Variants in MAGOH observed in about 807,000 individuals in gnomAD.
MAGOH encodes the protein protein mago nashi homolog.
In MAGOH, 3 loss-of-function variants were observed where a neutral mutation model predicts 20.9. That is an observed-to-expected ratio of 0.14 (90% CI 0.07 to 0.37). The LOEUF (loss-of-function observed/expected upper bound fraction) is 0.37. Among genes scored for constraint, MAGOH ranks in the 10% least tolerant of loss-of-function variants. The pLI, the probability that MAGOH is intolerant of heterozygous loss-of-function variation, is 1.00. For synonymous variants in MAGOH, 51 were observed against 61.0 expected, an observed-to-expected ratio of 0.84 and a Z score of 0.76; for missense variants, 66 against 178.1, an observed-to-expected ratio of 0.37 and a Z score of 3.58.
intron 2 of MAGOH, among the ~76,000 whole-genome samples, chr1:53,234,408 C>CT (rs1307232384): frequency 7.0e-6 from 1 of 143,800 alleles, no homozygotes; most frequent in Non-Finnish European, 1.5e-5. Context: ...GAGCCTTGCT[C>CT]TGTCGCCCAG....
intron 2 of MAGOH, chr1:53,233,968 T>C (rs893979324): frequency 1.7e-5 from 4 of 231,690 alleles, no homozygotes; most frequent in Non-Finnish European, 3.4e-5. Context: ...CTGCCATGGT[T>C]TGAATGTTTT....
chr1:53,234,278 G>A (rs1486943660), intron 2 of MAGOH, among the ~76,000 whole-genome samples: 3 of 151,924 alleles, frequency 2.0e-5, no homozygotes, highest in African/African-American at 7.3e-5. Context: ...CTCCAAAATT[G>A]TGAGAAATAT....
chr1:53,235,464 G>A (rs1215564385), intron 2 of MAGOH, 113 bp downstream of exon 2: 1 of 866,276 alleles, frequency 1.2e-6, no homozygotes, highest in Non-Finnish European at 1.9e-6. Context: ...ACAGACATGT[G>A]TCTCTCTCCC....
chr1:53,229,406 T>C (rs1394174930), intron 3 of MAGOH, among the ~76,000 whole-genome samples: 1 of 152,078 alleles, frequency 6.6e-6, no homozygotes, highest in East Asian at 1.9e-4. Flanking sequence ...TTCACCGTGT[T>C]AGCCAGGATG....
At chr1:53,233,692 T>A in intron 2 of MAGOH, 40 bp from the exon 3 acceptor site, 1 of 1,284,134 alleles carries the variant, frequency 7.8e-7, no homozygotes, top group Non-Finnish European at 1.1e-6. Context: ...GTTGTATCCT[T>A]AAGCAGTGCT....
intron 1 of MAGOH, among the ~76,000 whole-genome samples, chr1:53,236,116 A>C (rs1409296076): frequency 2.0e-5 from 3 of 152,254 alleles, no homozygotes; most frequent in Admixed American, 6.5e-5. Context: ...CATTTGGTAC[A>C]CAAGACCCTT....
chr1:53,235,131 T>C (rs112130902), intron 2 of MAGOH, among the ~76,000 whole-genome samples: 1 of 152,228 alleles, frequency 6.6e-6, no homozygotes, highest in Non-Finnish European at 1.5e-5. Context: ...CCATGCTCCC[T>C]TTCCCACTCA....
rs372025121 is a variant in MAGOH at position 53,232,447 on chromosome 1, G to GA, written c.258+1094dup. Among the ~76,000 whole-genome samples the GA allele has an allele frequency of 2.1e-4, 31 of 150,156 alleles. No homozygotes were observed. The South Asian group carries it at 2.9e-3, about 14-fold the overall frequency. The stretch of plus-strand genomic sequence containing the variant: ...ATTGTGATAAAACTGAAAGCAAAAA[G>GA]AAAAAAAAACACAAAAAGACAACAC... On this transcript the variant is annotated intron_variant, in intron 3 of 4. Coordinates refer to ENST00000371470, the MANE Select transcript of MAGOH (RefSeq NM_002370.4).
At chr1:53,237,213 G>A (rs932070589) in intron 1 of MAGOH, among the ~76,000 whole-genome samples, 1 of 150,502 alleles carries the variant, frequency 6.6e-6, no homozygotes, top group Admixed American at 6.6e-5. Flanking sequence ...CCTCCCAAAG[G>A]GCTGAGATTA....
chr1:53,233,923 CACA>C (rs1645598712), intron 2 of MAGOH: 1 of 293,486 alleles, frequency 3.4e-6, no homozygotes, highest in Non-Finnish European at 6.4e-6. Context: ...ATACCCAACT[CACA>C]ACGAAACCCA....
rs1645573802 is a variant in MAGOH at position 53,229,106 on chromosome 1, A to G, written c.259-152T>C. 6.3e-5 allele frequency: 38 copies of G among 607,638 alleles called. 3 individuals carry two copies. The South Asian group carries it at 7.4e-4, about 12-fold the overall frequency. 37.6% of individuals were successfully genotyped at this position (607,638 alleles called of 1,614,324 possible). The stretch of plus-strand genomic sequence containing the variant: ...CTCTGAGCACTAAACTGTGCTGGGC[A>G]CTAGAAACAAGAGATAAATACAGCT... On this transcript the variant is annotated intron_variant, in intron 3 of 4. Coordinates refer to ENST00000371470, the MANE Select transcript of MAGOH (RefSeq NM_002370.4).
At chr1:53,235,317 A>C (rs1271341885) in intron 2 of MAGOH, among the ~76,000 whole-genome samples, 2 of 152,308 alleles carry the variant, frequency 1.3e-5, no homozygotes, top group Non-Finnish European at 2.9e-5. Context: ...AACTTGCCCA[A>C]GGTCACATGG....
chr1:53,238,444 T>C lies in MAGOH; in HGVS notation c.5A>G (p.Glu2Gly), dbSNP rs1273223575. 2 of 1,613,862 alleles carry C rather than the reference T, an allele frequency of 1.2e-6. No individual in the cohort carries two copies. Among genetic ancestry groups the C allele is most frequent in the Non-Finnish European group, 1.7e-6 (2 of 1,179,762 alleles). M[E>G]SDFYLRYYVG... ...GTAGTAACGCAGATAAAAGTCACTC[T>C]CCATGGCTCCCAAAAGACAACCGAG... Residue 2 changes from glutamate to glycine, a missense_variant, in exon 1 of 5, where the codon GAG becomes GGG. Physicochemically the swap from Glu to Gly is moderately conservative, Grantham distance 98. Transcript: ENST00000371470.
chr1:53,237,322 C>T (rs1033839630), intron 1 of MAGOH, among the ~76,000 whole-genome samples: 8 of 151,840 alleles, frequency 5.3e-5, no homozygotes, highest in African/African-American at 1.5e-4. Context: ...TTGCCCATTC[C>T]GCACCCAATA....
intron 3 of MAGOH, among the ~76,000 whole-genome samples, chr1:53,229,906 G>A (rs1645577998): frequency 6.6e-6 from 1 of 152,066 alleles, no homozygotes; most frequent in South Asian, 2.1e-4. Context: ...GCAACAGAGT[G>A]AGACCCTGTC....
chr1:53,237,623 G>A (rs891935684), intron 1 of MAGOH, among the ~76,000 whole-genome samples: 3 of 138,324 alleles, frequency 2.2e-5, no homozygotes, highest in African/African-American at 5.4e-5. Flanking sequence ...GCAATAAGCC[G>A]AGATCGCGCC....
At chr1:53,235,464 G>GTC (rs543235497) in intron 2 of MAGOH, 113 bp downstream of exon 2, 10 of 866,280 alleles carry the variant, frequency 1.2e-5, no homozygotes, top group Non-Finnish European at 1.9e-5. Flanking sequence ...ACAGACATGT[G>GTC]TCTCTCTCCC....
At chr1:53,235,403 TAAA>T (rs1427158595) in intron 2 of MAGOH, among the ~76,000 whole-genome samples, 171 bp downstream of exon 2, 1 of 152,094 alleles carries the variant, frequency 6.6e-6, no homozygotes, top group South Asian at 2.1e-4. Flanking sequence ...CAATGTAAAA[TAAA>T]AAAATCCCAA....
intron 3 of MAGOH, among the ~76,000 whole-genome samples, chr1:53,231,224 T>C (rs1305021846): frequency 1.3e-4 from 20 of 152,250 alleles, no homozygotes; most frequent in Admixed American, 1.2e-3. Context: ...TATCTATTCA[T>C]AACCTTTGCA....
Sources: allele counts gnomAD v4.1 joint callset (sites outside exome capture counted in the v4.1 genomes callset), GRCh38; gene constraint gnomAD v4.1.1; transcripts MANE v1.5; gene names NCBI Gene and HGNC (gene_info 2026-07-23, HGNC 2026-07-21).